ATRIP: variants seen among roughly 807,000 people sequenced by gnomAD.
ATRIP encodes the protein ATR interacting protein.
ATRIP carries 44 observed loss-of-function variants against 78.1 expected under a neutral mutation model. The ratio of observed to expected loss-of-function variants is 0.56; its 90% CI spans 0.44 to 0.72. ATRIP has a LOEUF of 0.72. Ranked by LOEUF, ATRIP falls within the 30% of genes least tolerant of loss-of-function variation. The pLI is 0.00. For synonymous variants in ATRIP, 388 were observed against 408.9 expected, an observed-to-expected ratio of 0.95 and a Z score of 0.62; for missense variants, 927 against 980.2, an observed-to-expected ratio of 0.95 and a Z score of 0.72.
chr3:48,466,478 T>A lies in ATRIP; in HGVS notation c.*924T>A, dbSNP rs1039683413. On this transcript the variant is annotated 3_prime_UTR_variant, in exon 13 of 13. Coordinates refer to ENST00000320211, the MANE Select transcript of ATRIP (RefSeq NM_130384.3). ...AGGAAACCACCTCACCCTCTCCAAC[T>A]TCCTGCCTGAAAATGGGCCCTGGAG... is the stretch of plus-strand genomic sequence containing the variant. 5.0e-6 allele frequency: 8 copies of A among 1,613,792 alleles called. No homozygotes were observed. The highest frequency in any genetic ancestry group is 1.3e-5 in the African/African-American group (1 of 74,926).
chr3:48,453,739 C>T (rs180805086), intron 3 of ATRIP, among the ~76,000 whole-genome samples: 8 of 152,200 alleles, frequency 5.3e-5, no homozygotes, highest in African/African-American at 1.9e-4. Context: ...CCAGTGCGTT[C>T]GTTAATAAAG....
intron 1 of ATRIP, among the ~76,000 whole-genome samples, chr3:48,447,837 A>ATATC (rs2107184920): frequency 6.6e-6 from 1 of 151,930 alleles, no homozygotes. Flanking sequence ...TGATGACCAG[A>ATATC]TGTTCCACAA....
intron 3 of ATRIP, among the ~76,000 whole-genome samples, chr3:48,452,686 C>T (rs915652212): frequency 6.6e-6 from 1 of 151,760 alleles, no homozygotes; most frequent in Non-Finnish European, 1.5e-5. Flanking sequence ...TAGAGCGAGA[C>T]CCTGTTTCAA....
chr3:48,454,894 G>T (rs1448753555), intron 4 of ATRIP, among the ~76,000 whole-genome samples: 1 of 144,768 alleles, frequency 6.9e-6, no homozygotes, highest in Non-Finnish European at 1.5e-5. Flanking sequence ...ACAGAGTCTC[G>T]CTCTGTCACC....
At chr3:48,463,586 A>C (rs1050405473) in intron 8 of ATRIP, among the ~76,000 whole-genome samples, 159 bp from the exon 9 acceptor site, 1 of 152,142 alleles carries the variant, frequency 6.6e-6, no homozygotes, top group Non-Finnish European at 1.5e-5. Context: ...ATAGCAAGTA[A>C]GTAGGGGTCA....
rs545237292 is a variant in ATRIP at position 48,450,538 on chromosome 3, A to G, written c.381+368A>G. 4 of 1,290,318 alleles carry G rather than the reference A, an allele frequency of 3.1e-6. No homozygotes were observed. In the South Asian group the frequency reaches 5.0e-5, roughly 16 times the overall value. 79.9% of individuals were successfully genotyped at this position (1,290,318 alleles called of 1,614,324 possible). A position where few individuals can be genotyped will look rare whatever the true frequency, so the allele number is the denominator to read the frequency against. ...TTCATATCACCATCTGTAGGTCCCT[A>G]AGAAAACCAGGAATATGTGGAATTT... On this transcript the variant is annotated intron_variant, in intron 2 of 12. Coordinates refer to ENST00000320211, the MANE Select transcript of ATRIP (RefSeq NM_130384.3).
At chr3:48,451,638 C>A in intron 2 of ATRIP, 91 bp from the exon 3 acceptor site, 1 of 1,115,646 alleles carries the variant, frequency 9.0e-7, no homozygotes, top group Non-Finnish European at 1.3e-6. Flanking sequence ...TTTTCCTGTG[C>A]TTTCTCCATC....
chr3:48,446,818 T>TGTCGGATACTTGGGGTGAGCG lies in ATRIP; in HGVS notation c.-26_-6dup. 1 of 1,383,582 alleles carries TGTCGGATACTTGGGGTGAGCG rather than the reference T, an allele frequency of 7.2e-7. No individual in the cohort carries two copies. The highest frequency in any genetic ancestry group is 9.4e-7 in the Non-Finnish European group (1 of 1,067,518). 85.7% of individuals were successfully genotyped at this position (1,383,582 alleles called of 1,614,324 possible). The stretch of plus-strand genomic sequence containing the variant: ...GCGGCAGGCAAGTCTAGCTCGGCGC[T>TGTCGGATACTTGGGGTGAGCG]GTCGGATACTTGGGGTGAGCGGAAA... On this transcript the variant is annotated 5_prime_UTR_variant, in exon 1 of 13. Transcript: ENST00000320211.
intron 7 of ATRIP, 74 bp from the exon 8 acceptor site, chr3:48,460,036 A>T: frequency 6.5e-7 from 1 of 1,550,064 alleles, no homozygotes; most frequent in East Asian, 2.2e-5. Context: ...AGAATTTGGC[A>T]GGCAGGCTGT....
In ATRIP at chr3:48,465,053, C is replaced by A. The variant is rs587777856; in HGVS notation, c.2278C>A (p.Arg760=). 6.2e-7 allele frequency: 1 copy of A among 1,612,868 alleles called. No individual in the cohort carries two copies. Among genetic ancestry groups the A allele is most frequent in the Non-Finnish European group, 8.5e-7 (1 of 1,179,258 alleles). The change falls in exon 12 of 13, where the codon CGA becomes AGA. Residue 760 remains arginine, a synonymous_variant. Transcript: ENST00000320211. ...QVMPGVSMLI[R]GLPDVTDCEE... is the part of the protein sequence containing the mutation. ...GATGCCGGGGGTCAGCATGCTCATC[C>A]GAGGGCTTCCTGATGTGACGGACTG...
intron 2 of ATRIP, chr3:48,450,393 C>A: frequency 9.8e-7 from 1 of 1,020,538 alleles, no homozygotes; most frequent in Non-Finnish European, 1.4e-6. Context: ...ATACCAGATC[C>A]AAAAAGAGAT....
intron 12 of ATRIP, 102 bp from the exon 13 acceptor site, chr3:48,465,385 G>A: frequency 1.7e-6 from 2 of 1,201,482 alleles, no homozygotes; most frequent in African/African-American, 3.0e-5. Context: ...GGTGTGGAAG[G>A]GACTGGTTAG....
Position 48,466,132 on chromosome 3 carries a change from G to A in ATRIP, c.*578G>A. On this transcript the variant is annotated 3_prime_UTR_variant, in exon 13 of 13. Coordinates refer to ENST00000320211, the MANE Select transcript of ATRIP (RefSeq NM_130384.3). ...CCCGGGAGCAGGGGAGTGGGTGTGG[G>A]GGGGAACGGATGGTGGTGAGAGGGA... 7 of 428,764 alleles carry A rather than the reference G, an allele frequency of 1.6e-5. No individual in the cohort carries two copies. Among genetic ancestry groups the A allele is most frequent in the South Asian group, 6.5e-5 (3 of 46,484 alleles). The allele number at this position is 428,764 out of a possible 1,614,324, so 26.6% of individuals were successfully genotyped here. A position where few individuals can be genotyped will look rare whatever the true frequency, so the allele number is the denominator to read the frequency against.
chr3:48,450,930 T>A (rs1429068378), intron 2 of ATRIP, among the ~76,000 whole-genome samples: 1 of 151,680 alleles, frequency 6.6e-6, no homozygotes, highest in Admixed American at 6.6e-5. Flanking sequence ...GGCTCACACC[T>A]GTAATCCCAG....
chr3:48,454,428 G>C lies in ATRIP; in HGVS notation c.671+10G>C. On this transcript the variant is annotated intron_variant, in intron 4 of 12. Transcript: ENST00000320211. ...CTGTTTCCCATGTCAGGTAATGATG[G>C]TGCTGGAGGGATAGTTCAGTTTTGC... is the stretch of plus-strand genomic sequence containing the variant. 1 of 1,575,768 alleles carries C rather than the reference G, an allele frequency of 6.3e-7. No individual in the cohort carries two copies. The highest frequency in any genetic ancestry group is 8.7e-7 in the Non-Finnish European group (1 of 1,145,846).
chr3:48,464,796 G>T (rs1430486664), intron 11 of ATRIP, 35 bp from the exon 12 acceptor site: 1 of 1,601,388 alleles, frequency 6.2e-7, no homozygotes, highest in South Asian at 1.1e-5. Flanking sequence ...GGCCATGGTG[G>T]CACCAGGCCT....
At chr3:48,461,029 A>C (rs2040093137) in intron 8 of ATRIP, among the ~76,000 whole-genome samples, 1 of 152,234 alleles carries the variant, frequency 6.6e-6, no homozygotes, top group African/African-American at 2.4e-5. Context: ...CAAAAGGCAC[A>C]CATGATTAAA....
Position 48,446,855 on chromosome 3 carries a change from A to C in ATRIP, c.10A>C (p.Thr4Pro), listed in dbSNP as rs780106776. MAG[T>P]SAPGSKRRSE... ...GGGGTGAGCGGAAAGCATGGCGGGGACCTCCGCGCCAGGCAGCAAGAGGCG... is the reference window on the plus strand; with the variant it reads ...GGGGTGAGCGGAAAGCATGGCGGGGCCCTCCGCGCCAGGCAGCAAGAGGCG... Residue 4 changes from threonine to proline, a missense_variant, in exon 1 of 13, where the codon ACC becomes CCC. Coordinates refer to ENST00000320211, the MANE Select transcript of ATRIP (RefSeq NM_130384.3). 2 of 1,398,666 alleles carry C rather than the reference A, an allele frequency of 1.4e-6. No individual in the cohort carries two copies. The highest frequency in any genetic ancestry group is 3.8e-5 in the South Asian group (2 of 52,934). The allele number at this position is 1,398,666 out of a possible 1,614,324, so 86.6% of individuals were successfully genotyped here. A position where few individuals can be genotyped will look rare whatever the true frequency, so the allele number is the denominator to read the frequency against.
Position 48,466,293 on chromosome 3 carries a change from C to A in ATRIP, c.*739C>A. 1 of 689,746 alleles carries A rather than the reference C, an allele frequency of 1.4e-6. No individual in the cohort carries two copies. Among genetic ancestry groups the A allele is most frequent in the Admixed American group, 2.3e-5 (1 of 43,594 alleles). The allele number at this position is 689,746 out of a possible 1,614,324, so 42.7% of individuals were successfully genotyped here. ...TGTGCAGCCGAGTCACTACTGCCTG[C>A]CTGCCTGCCTGCTACGGTGAGTGTG... On this transcript the variant is annotated 3_prime_UTR_variant, in exon 13 of 13. Coordinates refer to ENST00000320211, the MANE Select transcript of ATRIP (RefSeq NM_130384.3).
Sources: allele counts gnomAD v4.1 joint callset (sites outside exome capture counted in the v4.1 genomes callset), GRCh38; gene constraint gnomAD v4.1.1; transcripts MANE v1.5; gene names NCBI Gene and HGNC (gene_info 2026-07-23, HGNC 2026-07-21).